EEFSEC: variants seen among roughly 807,000 people sequenced by gnomAD.
The protein encoded by EEFSEC is eukaryotic elongation factor, selenocysteine-tRNA specific, also known as selenocysteine-specific elongation factor.
A neutral mutation model predicts 42.1 loss-of-function variants in EEFSEC; 43 were observed. The ratio of observed to expected loss-of-function variants is 1.02; its 90% CI spans 0.80 to 1.32. The LOEUF (loss-of-function observed/expected upper bound fraction) is 1.32, where lower values mean the gene tolerates loss of function less well. Among genes scored for constraint, EEFSEC ranks in the 40% most tolerant of loss-of-function variants. EEFSEC has a pLI of 0.00. For missense variants in EEFSEC, 745 were observed against 803.6 expected, an observed-to-expected ratio of 0.93 and a Z score of 0.88; for synonymous variants, 354 against 339.1, an observed-to-expected ratio of 1.04 and a Z score of -0.48.
intron 1 of EEFSEC, among the ~76,000 whole-genome samples, chr3:128,162,995 A>T (rs2065205987): frequency 1.3e-5 from 2 of 152,136 alleles, no homozygotes; most frequent in African/African-American, 4.8e-5. Context: ...TTGGAATAGG[A>T]TTCGGGCAGG....
chr3:128,343,746 C>T (rs1020311945), intron 5 of EEFSEC, among the ~76,000 whole-genome samples: 2 of 152,138 alleles, frequency 1.3e-5, no homozygotes, highest in Non-Finnish European at 1.5e-5. Context: ...AAACATATGG[C>T]CTCAATGACT....
At chr3:128,392,271 G>A (rs1205258622) in intron 6 of EEFSEC, among the ~76,000 whole-genome samples, 6 of 152,312 alleles carry the variant, frequency 3.9e-5, no homozygotes, top group East Asian at 1.9e-4. Context: ...GGAGCCAGCC[G>A]CCTAGGTTCA....
intron 4 of EEFSEC, among the ~76,000 whole-genome samples, chr3:128,307,498 G>A (rs1399399921): frequency 1.3e-5 from 2 of 152,216 alleles, no homozygotes; most frequent in South Asian, 4.1e-4. Flanking sequence ...CCCACAGGGT[G>A]CCTGATGAGC....
At chr3:128,286,963 C>A (rs1216499944) in intron 4 of EEFSEC, among the ~76,000 whole-genome samples, 2 of 152,186 alleles carry the variant, frequency 1.3e-5, no homozygotes, top group Admixed American at 6.5e-5. Context: ...TCTGTGACCT[C>A]CCTCCAACAG....
chr3:128,281,816 G>T (rs979316226), intron 4 of EEFSEC, among the ~76,000 whole-genome samples: 1 of 152,182 alleles, frequency 6.6e-6, no homozygotes, highest in Admixed American at 6.5e-5. Context: ...TGGCTGATGG[G>T]GGCCTGGCGA....
chr3:128,179,683 T>G (rs1055508123), intron 1 of EEFSEC, among the ~76,000 whole-genome samples: 13 of 152,210 alleles, frequency 8.5e-5, no homozygotes, highest in Non-Finnish European at 1.6e-4. Flanking sequence ...CAGACGGGCT[T>G]GCGTTAGCAT....
At chr3:128,298,930 T>C (rs940551385) in intron 4 of EEFSEC, among the ~76,000 whole-genome samples, 7 of 152,218 alleles carry the variant, frequency 4.6e-5, no homozygotes, top group Non-Finnish European at 1.0e-4. Flanking sequence ...TAGTATTCCA[T>C]TGAGTACATA....
At chr3:128,160,469 C>G (rs2065172775) in intron 1 of EEFSEC, among the ~76,000 whole-genome samples, 1 of 151,064 alleles carries the variant, frequency 6.6e-6, no homozygotes, top group Non-Finnish European at 1.5e-5. Context: ...TAGATTTTTC[C>G]TAAGGGTCCT....
chr3:128,349,590 C>A (rs530873723), intron 5 of EEFSEC, among the ~76,000 whole-genome samples: 2 of 152,190 alleles, frequency 1.3e-5, no homozygotes, highest in Non-Finnish European at 2.9e-5. Flanking sequence ...TTACCACGCC[C>A]CAGGATGCCC....
At chr3:128,325,906 C>T (rs1307638077) in intron 4 of EEFSEC, among the ~76,000 whole-genome samples, 1 of 152,202 alleles carries the variant, frequency 6.6e-6, no homozygotes, top group Non-Finnish European at 1.5e-5. Flanking sequence ...CCATCTTTTG[C>T]CTATCCTAAA....
intron 4 of EEFSEC, among the ~76,000 whole-genome samples, chr3:128,273,000 G>C (rs2066430264): frequency 6.6e-6 from 1 of 152,204 alleles, no homozygotes; most frequent in Admixed American, 6.5e-5. Context: ...ACCTCCCCTG[G>C]CTTCCTCCAG....
At chr3:128,289,577 G>T (rs2066621409) in intron 4 of EEFSEC, among the ~76,000 whole-genome samples, 1 of 152,212 alleles carries the variant, frequency 6.6e-6, no homozygotes, top group Admixed American at 6.5e-5. Context: ...GGAGAAGCTG[G>T]AAATCTGGAT....
At chr3:128,325,148 C>T (rs921897317) in intron 4 of EEFSEC, among the ~76,000 whole-genome samples, 1 of 152,218 alleles carries the variant, frequency 6.6e-6, no homozygotes, top group African/African-American at 2.4e-5. Flanking sequence ...GCTGTCACTG[C>T]TCCCCGTGCC....
intron 5 of EEFSEC, among the ~76,000 whole-genome samples, chr3:128,349,446 G>A (rs977498006): frequency 2.0e-5 from 3 of 152,234 alleles, no homozygotes; most frequent in Non-Finnish European, 4.4e-5. Flanking sequence ...ACCCTATGGA[G>A]CCAGGCTTCT....
chr3:128,341,475 A>G lies in EEFSEC; in HGVS notation c.1029A>G (p.Thr343=), dbSNP rs2107564324. The G allele has an allele frequency of 6.2e-7, 1 of 1,614,174 alleles. No homozygotes were observed. The highest frequency in any genetic ancestry group is 1.1e-5 in the South Asian group (1 of 91,076). The change falls in exon 5 of 7, where the codon ACA becomes ACG. Residue 343 remains threonine, a synonymous_variant. Transcript: ENST00000254730. Reference sequence around the variant, plus strand: ...TCCACATTACAGTGGGCCATGAAACAGTCATGGGCCGGTTGATGTTCTTCA... The same window carrying G: ...TCCACATTACAGTGGGCCATGAAACGGTCATGGGCCGGTTGATGTTCTTCA... ...AKFHITVGHE[T]VMGRLMFFSP...
rs572693700 is a variant in EEFSEC, at chr3:128,203,123, G to A, written c.317-43713G>A. Among the ~76,000 whole-genome samples the A allele has an allele frequency of 2.0e-5, 3 of 152,298 alleles. No individual in the cohort carries two copies. In the South Asian group the frequency reaches 6.2e-4, roughly 32 times the overall value. On this transcript the variant is annotated intron_variant, in intron 1 of 6. Coordinates refer to ENST00000254730, the MANE Select transcript of EEFSEC (RefSeq NM_021937.5). The stretch of plus-strand genomic sequence containing the variant: ...TGGATCAATCAGTTGGTAGAATACA[G>A]ATTGTAGATAGTATAAATGAATGGT...
intron 4 of EEFSEC, among the ~76,000 whole-genome samples, chr3:128,327,291 TCC>T (rs59892046): frequency 7.7e-4 from 81 of 105,192 alleles, no homozygotes; most frequent in African/African-American, 1.6e-3. Flanking sequence ...ACTTTTCCCA[TCC>T]CCCCCCCCCC....
Position 128,317,719 on chromosome 3 carries a change from T to C in EEFSEC, c.787-23514T>C, listed in dbSNP as rs1222600738. Reference sequence around the variant, plus strand: ...CTGGCTCCTGCCTCAGCTGCAGCCATTTGTGCTCACGTACCATTCTCTCGC... The same window carrying C: ...CTGGCTCCTGCCTCAGCTGCAGCCACTTGTGCTCACGTACCATTCTCTCGC... On this transcript the variant is annotated intron_variant, in intron 4 of 6. Transcript: ENST00000254730. The surrounding 1 kb of genome is among the most constrained non-coding windows in gnomAD (Gnocchi z 4.1). Among the ~76,000 whole-genome samples, 1 of 152,180 alleles carries C rather than the reference T, an allele frequency of 6.6e-6. No homozygotes were observed. Among genetic ancestry groups the C allele is most frequent in the East Asian group, 1.9e-4 (1 of 5,186 alleles).
intron 4 of EEFSEC, among the ~76,000 whole-genome samples, chr3:128,308,745 C>T (rs1442159305): frequency 6.6e-6 from 1 of 152,158 alleles, no homozygotes. Context: ...TATGGCAGCC[C>T]CAGGACTCCC....
Sources: allele counts gnomAD v4.1 joint callset (sites outside exome capture counted in the v4.1 genomes callset), GRCh38; gene constraint gnomAD v4.1.1; non-coding constraint Gnocchi (gnomAD v3.1); transcripts MANE v1.5; gene names NCBI Gene and HGNC (gene_info 2026-07-23, HGNC 2026-07-21).